The following PGM5 variants were observed in gnomAD, a reference collection of about 807,000 sequenced individuals.
PGM5 encodes the protein phosphoglucomutase-like protein 5.
PGM5 carries 23 observed loss-of-function variants against 59.2 expected under a neutral mutation model. The observed-to-expected ratio is 0.39, with a 90% CI of 0.28 to 0.55. PGM5 has a LOEUF of 0.55. Among genes scored for constraint, PGM5 ranks in the 20% least tolerant of loss-of-function variants. PGM5 has a pLI of 0.66. For synonymous variants in PGM5, 214 were observed against 286.0 expected (o/e 0.75, Z 2.54); for missense variants, 574 against 748.3 (o/e 0.77, Z 2.72).
chr9:68,374,118 T>C (rs1821813803), intron 1 of PGM5, among the ~76,000 whole-genome samples: 1 of 152,290 alleles, frequency 6.6e-6, no homozygotes. Context: ...CTTCCTAAGT[T>C]TTTGTGGACT....
At chr9:68,466,179 G>A in intron 7 of PGM5, 1 of 1,296,732 alleles carries the variant, frequency 7.7e-7, no homozygotes, top group Non-Finnish European at 1.0e-6. Context: ...CGTCTCTATT[G>A]GAACATCTTT....
chr9:68,474,828 C>G (rs1205942124), intron 7 of PGM5, among the ~76,000 whole-genome samples: 2 of 150,160 alleles, frequency 1.3e-5, no homozygotes, highest in Non-Finnish European at 3.0e-5. Context: ...TGGTGTTATT[C>G]AATGCTAAAA....
At chr9:68,379,066 C>A (rs1554678103) in intron 2 of PGM5, among the ~76,000 whole-genome samples, 1 of 152,106 alleles carries the variant, frequency 6.6e-6, no homozygotes, top group East Asian at 1.9e-4. Context: ...GTATGCATCT[C>A]TAAAAAAGAA....
intron 6 of PGM5, among the ~76,000 whole-genome samples, chr9:68,463,395 TG>T (rs1300557111): frequency 6.6e-6 from 1 of 152,140 alleles, no homozygotes; most frequent in African/African-American, 2.4e-5. Flanking sequence ...TTGCTAGCTC[TG>T]GGGAAGATGA....
rs1422517846 is a variant in PGM5 at position 68,362,832 on chromosome 9, C to T, written c.261+5444C>T. On this transcript the variant is annotated intron_variant, in intron 1 of 10. Transcript: ENST00000396396. Reference sequence around the variant, plus strand: ...ATATTGGACAGATGTCAGCACTGTGCCTGCCTCAAGATGTTTCTGACTTTT... The same window carrying T: ...ATATTGGACAGATGTCAGCACTGTGTCTGCCTCAAGATGTTTCTGACTTTT... Among the ~76,000 whole-genome samples the T allele has an allele frequency of 2.7e-5, 4 of 150,938 alleles. No homozygotes were observed. In the East Asian group the frequency reaches 7.8e-4, roughly 29 times the overall value.
intron 6 of PGM5, among the ~76,000 whole-genome samples, chr9:68,434,502 C>G (rs889378829): frequency 6.6e-6 from 1 of 151,722 alleles, no homozygotes; most frequent in African/African-American, 2.4e-5. Context: ...AGGTGTGAAA[C>G]CTGGTGTTAA....
intron 6 of PGM5, among the ~76,000 whole-genome samples, chr9:68,444,846 G>C (rs1823586179): frequency 6.6e-6 from 1 of 152,210 alleles, no homozygotes; most frequent in African/African-American, 2.4e-5. Context: ...AAGGGGTACA[G>C]GAAGGAGTGG....
At chr9:68,434,035 G>A (rs1291496712) in intron 6 of PGM5, among the ~76,000 whole-genome samples, 3 of 152,118 alleles carry the variant, frequency 2.0e-5, no homozygotes, top group African/African-American at 7.2e-5. Flanking sequence ...TATCAAAGTG[G>A]GCCAGACGCA....
chr9:68,404,607 T>C (rs2261861), intron 6 of PGM5, among the ~76,000 whole-genome samples: 1 of 152,108 alleles, frequency 6.6e-6, no homozygotes, highest in African/African-American at 2.4e-5. Context: ...CAGGTGAGGG[T>C]GGAATCCAGA....
At chr9:68,361,845 C>T (rs1415250103) in intron 1 of PGM5, among the ~76,000 whole-genome samples, 1 of 151,932 alleles carries the variant, frequency 6.6e-6, no homozygotes, top group Non-Finnish European at 1.5e-5. Context: ...TTTTTAAAGA[C>T]TATTTCATAG....
chr9:68,438,149 C>T (rs1438734029), intron 6 of PGM5, among the ~76,000 whole-genome samples: 2 of 151,684 alleles, frequency 1.3e-5, no homozygotes, highest in Non-Finnish European at 1.5e-5. Flanking sequence ...ATTAGCTGAG[C>T]GTGGTGGCAC....
chr9:68,429,391 A>G (rs782257896), intron 6 of PGM5: 3 of 152,186 alleles, frequency 2.0e-5, no homozygotes, highest in Admixed American at 6.5e-5. Context: ...CCAACCAATC[A>G]ACAAAAAAAC....
rs544508586 is a variant in PGM5 at position 68,379,028 on chromosome 9, C to T, written c.424+667C>T. Among the ~76,000 whole-genome samples the T allele has an allele frequency of 4.6e-5, 7 of 152,044 alleles. No homozygotes were observed. In the South Asian group the frequency reaches 1.0e-3, roughly 23 times the overall value. ...AAGAATTTTAAAGCAAATTATAGCA[C>T]GAGAACATTTCACACCCAAATATTT... On this transcript the variant is annotated intron_variant, in intron 2 of 10. Coordinates refer to ENST00000396396, the MANE Select transcript of PGM5 (RefSeq NM_021965.4).
chr9:68,420,472 G>T (rs1283597473), intron 6 of PGM5, among the ~76,000 whole-genome samples: 2 of 152,174 alleles, frequency 1.3e-5, no homozygotes, highest in Non-Finnish European at 2.9e-5. Flanking sequence ...TGGGTATTTA[G>T]CATGCTGTAT....
intron 6 of PGM5, among the ~76,000 whole-genome samples, chr9:68,441,209 G>A (rs897688905): frequency 1.3e-5 from 2 of 151,796 alleles, no homozygotes; most frequent in Admixed American, 6.6e-5. Flanking sequence ...GTGAATTATT[G>A]CAAACATTAA....
intron 6 of PGM5, among the ~76,000 whole-genome samples, chr9:68,455,412 G>A (rs1017311560): frequency 1.5e-4 from 23 of 151,658 alleles, no homozygotes; most frequent in African/African-American, 5.3e-4. Flanking sequence ...CAGGACTGAT[G>A]AATTCTTTTC....
chr9:68,376,851 C>G (rs1444346393), intron 1 of PGM5, among the ~76,000 whole-genome samples: 3 of 81,812 alleles, frequency 3.7e-5, no homozygotes, highest in Non-Finnish European at 7.9e-5. Flanking sequence ...TTCTTTCTTT[C>G]TCTTTCTTTC....
chr9:68,529,719 C>T lies in PGM5; in HGVS notation c.*63C>T. 3.0e-6 allele frequency: 3 copies of T among 1,010,908 alleles called. No homozygotes were observed. Among genetic ancestry groups the T allele is most frequent in the Non-Finnish European group, 4.4e-6 (3 of 687,846 alleles). 62.6% of individuals were successfully genotyped at this position (1,010,908 alleles called of 1,614,324 possible). A position where few individuals can be genotyped will look rare whatever the true frequency, so the allele number is the denominator to read the frequency against. On this transcript the variant is annotated 3_prime_UTR_variant, in exon 11 of 11. Coordinates refer to ENST00000396396, the MANE Select transcript of PGM5 (RefSeq NM_021965.4). ...CTCAGCGGGAGATGCTTCACTGATG[C>T]CTTCTTGCTACCTGTTTGTGCCTCT...
chr9:68,499,428 G>A (rs1824535342), intron 10 of PGM5, 67 bp downstream of exon 10: 3 of 1,495,066 alleles, frequency 2.0e-6, no homozygotes, highest in Admixed American at 4.0e-5. Context: ...GAGCTCCATG[G>A]GCCTTTAGTG....
Sources: allele counts gnomAD v4.1 joint callset (sites outside exome capture counted in the v4.1 genomes callset), GRCh38; gene constraint gnomAD v4.1.1; transcripts MANE v1.5; gene names NCBI Gene and HGNC (gene_info 2026-07-23, HGNC 2026-07-21).